CARM1: variants seen among roughly 807,000 people sequenced by gnomAD.
The protein encoded by CARM1 is histone-arginine methyltransferase CARM1.
CARM1 carries 14 observed loss-of-function variants against 72.7 expected under a neutral mutation model. That is an observed-to-expected ratio of 0.19 (90% CI 0.13 to 0.30). The LOEUF (loss-of-function observed/expected upper bound fraction) is 0.30. CARM1 is among the 10% of genes least tolerant of loss of function. CARM1 has a pLI of 1.00. For synonymous variants in CARM1, 333 were observed against 345.5 expected (o/e 0.96, Z 0.40); for missense variants, 432 against 833.7 (o/e 0.52, Z 5.93).
chr19:10,885,798 G>A (rs1475387592), intron 1 of CARM1, among the ~76,000 whole-genome samples: 2 of 151,844 alleles, frequency 1.3e-5, no homozygotes, highest in Admixed American at 1.3e-4. Context: ...ATGATGGGAT[G>A]CCTGGCTCTT....
At chr19:10,921,496 C>T (rs1386816238) in intron 15 of CARM1, 53 bp downstream of exon 15, 25 of 1,573,332 alleles carry the variant, frequency 1.6e-5, no homozygotes, top group Middle Eastern at 1.7e-4. Context: ...GCGTGTGAGT[C>T]GCCATCCTCT....
intron 5 of CARM1, among the ~76,000 whole-genome samples, 188 bp from the exon 6 acceptor site, chr19:10,913,689 G>A (rs908067499): frequency 6.6e-6 from 1 of 152,154 alleles, no homozygotes; most frequent in Admixed American, 6.5e-5. Context: ...ATGAGGCACC[G>A]TGCCCGGCCC....
At chr19:10,893,146 TC>T (rs1236462746) in intron 1 of CARM1, among the ~76,000 whole-genome samples, 3 of 152,094 alleles carry the variant, frequency 2.0e-5, no homozygotes, top group African/African-American at 7.2e-5. Flanking sequence ...CAAGTGATTC[TC>T]CTGCCTTAGC....
At chr19:10,914,831 T>C (rs911865061) in intron 6 of CARM1, among the ~76,000 whole-genome samples, 2 of 152,196 alleles carry the variant, frequency 1.3e-5, no homozygotes, top group African/African-American at 2.4e-5. Flanking sequence ...GTTGGGATTA[T>C]AGGCATGAGC....
At chr19:10,890,184 T>A (rs1186551453) in intron 1 of CARM1, among the ~76,000 whole-genome samples, 1 of 151,962 alleles carries the variant, frequency 6.6e-6, no homozygotes, top group Admixed American at 6.6e-5. Context: ...CCCAGGAGTT[T>A]GAGACCAGCC....
intron 15 of CARM1, 30 bp from the exon 16 acceptor site, chr19:10,921,585 A>G: frequency 6.3e-7 from 1 of 1,595,522 alleles, no homozygotes; most frequent in Non-Finnish European, 8.6e-7. Context: ...GGGCCAGGGC[A>G]GCCCCTCACT....
At chr19:10,873,912 T>A (rs2073842410) in intron 1 of CARM1, among the ~76,000 whole-genome samples, 1 of 152,110 alleles carries the variant, frequency 6.6e-6, no homozygotes. Flanking sequence ...GTGCTGGGAT[T>A]ACAGGCATGA....
In CARM1 at chr19:10,908,070, C is replaced by T. The variant is rs1396430013; in HGVS notation, c.378C>T (p.Thr126=). The stretch of plus-strand genomic sequence containing the variant: ...GTTCCTTCTACAACATCCTGAAAAC[C>T]TGCCGGGGCCACACCCTGGAGCGGT... ...DFCSFYNILK[T]CRGHTLERSV... Residue 126 remains threonine (T), a synonymous_variant, in exon 3 of 16, where the codon ACC becomes ACT. Transcript: ENST00000327064. 1 of 1,614,070 alleles carries T rather than the reference C, an allele frequency of 6.2e-7. No homozygotes were observed.
chr19:10,886,851 C>G (rs2073946125), intron 1 of CARM1, among the ~76,000 whole-genome samples: 1 of 152,036 alleles, frequency 6.6e-6, no homozygotes, highest in Non-Finnish European at 1.5e-5. Context: ...AATGGGGTCT[C>G]AATATTTTGC....
rs1599708123 is a variant in CARM1 at position 10,914,164 on chromosome 19, T to G, written c.847+110T>G. On this transcript the variant is annotated intron_variant, in intron 6 of 15. Coordinates refer to ENST00000327064, the MANE Select transcript of CARM1 (RefSeq NM_199141.2). ...TGCTTACTGTCGGTGGCCCGGGGTG[T>G]AGGGAAGCCTGGGCTTTTCCCCCGC... is the stretch of plus-strand genomic sequence containing the variant. 7.1e-6 allele frequency: 8 copies of G among 1,128,484 alleles called. No individual in the cohort carries two copies. The East Asian group carries it at 1.9e-4, about 27-fold the overall frequency. The allele number at this position is 1,128,484 out of a possible 1,614,324, so 69.9% of individuals were successfully genotyped here.
Position 10,914,084 on chromosome 19 carries a change from C to T in CARM1, c.847+30C>T, listed in dbSNP as rs747612640. 6 of 1,582,440 alleles carry T rather than the reference C, an allele frequency of 3.8e-6. No homozygotes were observed. The African/African-American group carries it at 8.2e-5, about 22-fold the overall frequency. On this transcript the variant is annotated intron_variant, in intron 6 of 15. Transcript: ENST00000327064. Reference sequence around the variant, plus strand: ...GCACTGGGGGGTACACAGGCCAGGCCCCTCGGTGGAGGCCCTGGCTGCCGC... The same window carrying T: ...GCACTGGGGGGTACACAGGCCAGGCTCCTCGGTGGAGGCCCTGGCTGCCGC...
At chr19:10,894,716 G>GTTT (rs71164131) in intron 1 of CARM1, among the ~76,000 whole-genome samples, 4 of 135,952 alleles carry the variant, frequency 2.9e-5, no homozygotes, top group Non-Finnish European at 4.7e-5. Flanking sequence ...ACCTCCTTGT[G>GTTT]TTTTTTTTTT....
At position 10,919,696 on chromosome 19, in the gene CARM1, C is replaced by T. The variant is rs1439238797; in HGVS notation, c.1106+16C>T. The stretch of plus-strand genomic sequence containing the variant: ...ATTTGCACAGGTACTGGCACCCACA[C>T]TCCATCCTCCCAGGCCTGGCTCAGG... On this transcript the variant is annotated intron_variant, in intron 9 of 15. Transcript: ENST00000327064. 3.7e-6 allele frequency: 6 copies of T among 1,601,786 alleles called. No individual in the cohort carries two copies. The Admixed American group carries it at 6.7e-5, about 18-fold the overall frequency.
chr19:10,886,896 C>A (rs2073946446), intron 1 of CARM1, among the ~76,000 whole-genome samples: 1 of 152,140 alleles, frequency 6.6e-6, no homozygotes, highest in East Asian at 1.9e-4. Flanking sequence ...TTCAAATGAT[C>A]CTCTTGCCTC....
intron 2 of CARM1, among the ~76,000 whole-genome samples, chr19:10,906,437 C>T (rs1463510350): frequency 6.6e-6 from 1 of 152,234 alleles, no homozygotes; most frequent in Non-Finnish European, 1.5e-5. Flanking sequence ...ATCTCCAGAA[C>T]TTGCTCATCC....
intron 15 of CARM1, 37 bp downstream of exon 15, chr19:10,921,480 G>A (rs368820666): frequency 1.0e-5 from 16 of 1,582,944 alleles, no homozygotes; most frequent in Admixed American, 3.7e-5. Context: ...CGTGGGGGCC[G>A]AGCTAGCGTG....
chr19:10,912,120 C>CA lies in CARM1; in HGVS notation c.559-63dup. Reference sequence around the variant, plus strand: ...TCATGATGTGCACATCCCTTATGATCACTGTCACCTCCCCATCACCGTCGC... The same window carrying CA: ...TCATGATGTGCACATCCCTTATGATCAACTGTCACCTCCCCATCACCGTCGC... On this transcript the variant is annotated intron_variant, in intron 4 of 15. Coordinates refer to ENST00000327064, the MANE Select transcript of CARM1 (RefSeq NM_199141.2). The surrounding 1 kb of genome is among the most constrained non-coding windows in gnomAD (Gnocchi z 4.5). 1 of 1,138,876 alleles carries CA rather than the reference C, an allele frequency of 8.8e-7. No individual in the cohort carries two copies. The highest frequency in any genetic ancestry group is 1.3e-6 in the Non-Finnish European group (1 of 745,916). 70.5% of individuals were successfully genotyped at this position (1,138,876 alleles called of 1,614,324 possible). A position where few individuals can be genotyped will look rare whatever the true frequency, so the allele number is the denominator to read the frequency against.
rs374218684 is a variant in CARM1 at position 10,921,769 on chromosome 19, G to A, written c.*12G>A. On this transcript the variant is annotated 3_prime_UTR_variant, in exon 16 of 16. Transcript: ENST00000327064. ...ACTACGGGAGCTAGGGGCCCGCCCC[G>A]CGGACTGACAGCACCAGGAAACCAA... 25 of 1,574,608 alleles carry A rather than the reference G, an allele frequency of 1.6e-5. No homozygotes were observed. The African/African-American group carries it at 2.0e-4, about 13-fold the overall frequency.
In CARM1 at chr19:10,909,911, C is replaced by T. The variant is rs1488364736; in HGVS notation, c.558+704C>T. Reference sequence around the variant, plus strand: ...TCTTCAAGATTTTTCCCCATACAGACATCAGCGTATATTTTACAATTATTT... The same window carrying T: ...TCTTCAAGATTTTTCCCCATACAGATATCAGCGTATATTTTACAATTATTT... On this transcript the variant is annotated intron_variant, in intron 4 of 15. Transcript: ENST00000327064. 2.0e-5 allele frequency among the ~76,000 whole-genome samples: 3 copies of T among 152,164 alleles called. No individual in the cohort carries two copies. In the East Asian group the frequency reaches 5.8e-4, roughly 29 times the overall value.
Sources: allele counts gnomAD v4.1 joint callset (sites outside exome capture counted in the v4.1 genomes callset), GRCh38; gene constraint gnomAD v4.1.1; non-coding constraint Gnocchi (gnomAD v3.1); transcripts MANE v1.5; gene names NCBI Gene and HGNC (gene_info 2026-07-23, HGNC 2026-07-21).